The following PCDHGA1 variants were observed in gnomAD, a reference collection of about 807,000 sequenced individuals.
PCDHGA1 encodes the protein protocadherin gamma-A1.
A neutral mutation model predicts 58.0 loss-of-function variants in PCDHGA1; 32 were observed. The ratio of observed to expected loss-of-function variants is 0.55; its 90% CI spans 0.42 to 0.74. PCDHGA1 has a LOEUF of 0.74. PCDHGA1 is among the 30% of genes least tolerant of loss of function. The pLI, the probability that PCDHGA1 is intolerant of heterozygous loss-of-function variation, is 0.00. For missense variants in PCDHGA1, 1,205 were observed against 1,182.3 expected, an observed-to-expected ratio of 1.02 and a Z score of -0.28; for synonymous variants, 498 against 501.1, an observed-to-expected ratio of 0.99 and a Z score of 0.08.
rs773624580 is a variant in PCDHGA1 at position 141,489,715 on chromosome 5, G to A, written c.2422-5092G>A. On this transcript the variant is annotated intron_variant, in intron 1 of 3. Transcript: ENST00000517417. The surrounding 1 kb of genome is among the most constrained non-coding windows in gnomAD (Gnocchi z 4.5). ...ACGATTCCCACTGGACAGTGCCCAG[G>A]ATCCGGATGTGGGCACCAATACTGT... The A allele has an allele frequency of 6.2e-6, 10 of 1,614,004 alleles. No homozygotes were observed. The highest frequency in any genetic ancestry group is 2.2e-5 in the East Asian group (1 of 44,886).
intron 1 of PCDHGA1, chr5:141,392,356 G>A (rs970397239): frequency 6.6e-6 from 1 of 152,614 alleles, no homozygotes; most frequent in Admixed American, 6.5e-5. Flanking sequence ...TTAATCCGAT[G>A]CTACAATCTG....
intron 2 of PCDHGA1, among the ~76,000 whole-genome samples, chr5:141,497,962 G>A (rs2099780751): frequency 6.6e-6 from 1 of 152,236 alleles, no homozygotes; most frequent in African/African-American, 2.4e-5. Context: ...TGGCCAGGCA[G>A]TGTTCTCGAT....
chr5:141,390,276 C>G (rs1475873829), intron 1 of PCDHGA1: 5 of 1,613,990 alleles, frequency 3.1e-6, no homozygotes, highest in Non-Finnish European at 4.2e-6. Context: ...ATTGACTTCC[C>G]ATCAGGTGAG....
At chr5:141,409,520 T>TTG (rs767613304) in intron 1 of PCDHGA1, 2 of 1,613,966 alleles carry the variant, frequency 1.2e-6, no homozygotes, top group East Asian at 4.5e-5. Flanking sequence ...AAGCATCACC[T>TTG]TGTATGTCGC....
Position 141,477,283 on chromosome 5 carries a change from C to T in PCDHGA1, c.2422-17524C>T, listed in dbSNP as rs766672047. The T allele has an allele frequency of 9.3e-6, 15 of 1,614,076 alleles. No homozygotes were observed. The highest frequency in any genetic ancestry group is 2.7e-5 in the African/African-American group (2 of 74,924). On this transcript the variant is annotated intron_variant, in intron 1 of 3. Coordinates refer to ENST00000517417, the MANE Select transcript of PCDHGA1 (RefSeq NM_018912.3). The surrounding 1 kb of genome is among the most constrained non-coding windows in gnomAD (Gnocchi z 4.9). ...CTGGCGAGAACGGGCTGGTGACCTG[C>T]GAAGTTCCACCGGGTCTCCCTTTCA... is the stretch of plus-strand genomic sequence containing the variant.
intron 1 of PCDHGA1, chr5:141,413,182 G>A (rs752788034): frequency 6.2e-7 from 1 of 1,604,164 alleles, no homozygotes; most frequent in Non-Finnish European, 8.5e-7. Context: ...TACAATGGCC[G>A]CTCAAAGGAA....
chr5:141,346,115 G>C (rs928895484), intron 1 of PCDHGA1: 1 of 1,613,808 alleles, frequency 6.2e-7, no homozygotes, highest in African/African-American at 1.3e-5. Context: ...TGTACCTGGT[G>C]GTGGCGGTGG....
At position 141,365,595 on chromosome 5, in the gene PCDHGA1, T is replaced by A. The variant is rs746207657; in HGVS notation, c.2421+32490T>A. The stretch of plus-strand genomic sequence containing the variant: ...GAGACTTCAGATTATAATATCACTT[T>A]AACCGTCATGGACCATGGAACCCCG... On this transcript the variant is annotated intron_variant, in intron 1 of 3. Transcript: ENST00000517417. 1.9e-6 allele frequency: 3 copies of A among 1,613,672 alleles called. No homozygotes were observed. In the South Asian group the frequency reaches 3.3e-5, roughly 18 times the overall value.
chr5:141,332,346 C>T lies in PCDHGA1; in HGVS notation c.1662C>T (p.Asp554=). 6.2e-7 allele frequency: 1 copy of T among 1,614,218 alleles called. No individual in the cohort carries two copies. The highest frequency in any genetic ancestry group is 2.2e-5 in the East Asian group (1 of 44,882). The change falls in exon 1 of 4, where the codon GAC becomes GAT. Residue 554 remains aspartate, a synonymous_variant. Transcript: ENST00000517417. The surrounding 1 kb of genome is among the most constrained non-coding windows in gnomAD (Gnocchi z 4.6). The part of the protein sequence containing the change: ...SNVSLSLFLL[D]QNDNAPEILY... ...TGTCTCTCAGCCTATTCCTGCTGGA[C>T]CAGAACGACAACGCGCCCGAGATCC...
chr5:141,339,666 T>C (rs757911282), intron 1 of PCDHGA1: 4 of 1,613,982 alleles, frequency 2.5e-6, no homozygotes, highest in Non-Finnish European at 3.4e-6. Flanking sequence ...TGCGTGAAGG[T>C]CCTGGATGCG....
chr5:141,344,520 G>A (rs1757429444), intron 1 of PCDHGA1: 2 of 1,613,996 alleles, frequency 1.2e-6, no homozygotes, highest in Non-Finnish European at 1.7e-6. Flanking sequence ...CCCAGATGTA[G>A]GCATTAACTC....
chr5:141,491,549 A>T lies in PCDHGA1; in HGVS notation c.2422-3258A>T, dbSNP rs748281587. 18 of 1,613,860 alleles carry T rather than the reference A, an allele frequency of 1.1e-5. No homozygotes were observed. In the East Asian group the frequency reaches 3.8e-4, roughly 34 times the overall value. On this transcript the variant is annotated intron_variant, in intron 1 of 3. Coordinates refer to ENST00000517417, the MANE Select transcript of PCDHGA1 (RefSeq NM_018912.3). This position sits in a 1 kb window ranked among gnomAD's most constrained non-coding sequence, Gnocchi z 6.9. Reference sequence around the variant, plus strand: ...GTGACGCTGCGGCCCACAGACTCGCAGAGCCACTGCTACAGGACGTGCTTT... The same window carrying T: ...GTGACGCTGCGGCCCACAGACTCGCTGAGCCACTGCTACAGGACGTGCTTT...
At chr5:141,460,453 A>G (rs1487816393) in intron 1 of PCDHGA1, among the ~76,000 whole-genome samples, 1 of 152,152 alleles carries the variant, frequency 6.6e-6, no homozygotes, top group Non-Finnish European at 1.5e-5. Flanking sequence ...ATGAAGATTC[A>G]TATTTTTTTC....
chr5:141,415,740 GTTTTTTTTTTT>G lies in PCDHGA1; in HGVS notation c.2422-79045_2422-79035del, dbSNP rs57426385. On this transcript the variant is annotated intron_variant, in intron 1 of 3. Transcript: ENST00000517417. ...TGAGTAGAATTTGATGTTTATTAAGGTTTTTTTTTTTTTTTTTTTTTTTTTTTTTTTTACTT... is the reference window on the plus strand; with the variant it reads ...TGAGTAGAATTTGATGTTTATTAAGGTTTTTTTTTTTTTTTTTTTTTACTT... 695 of 624,702 alleles carry G rather than the reference GTTTTTTTTTTT, an allele frequency of 1.1e-3. 1 individual carries two copies. Among genetic ancestry groups the G allele is most frequent in the East Asian group, 1.8e-3 (27 of 14,732 alleles). 38.7% of individuals were successfully genotyped at this position (624,702 alleles called of 1,614,324 possible).
chr5:141,367,589 A>G (rs1467826707), intron 1 of PCDHGA1: 1 of 152,062 alleles, frequency 6.6e-6, no homozygotes, highest in African/African-American at 2.4e-5. Flanking sequence ...AAAAGTAGAT[A>G]AAATTTATAT....
chr5:141,365,941 T>C (rs1175439180), intron 1 of PCDHGA1: 15 of 1,614,152 alleles, frequency 9.3e-6, no homozygotes, highest in Non-Finnish European at 1.2e-5. Context: ...CCAGCGACAG[T>C]GGGAACCCTC....
chr5:141,430,090 G>T (rs2097260736), intron 1 of PCDHGA1, among the ~76,000 whole-genome samples: 1 of 152,096 alleles, frequency 6.6e-6, no homozygotes, highest in Non-Finnish European at 1.5e-5. Context: ...ATGAAAATTT[G>T]ATTTTTAAGC....
rs141958687 is a variant in PCDHGA1 at position 141,509,744 on chromosome 5, G to A, written c.2570-1203G>A. 3.3e-3 allele frequency among the ~76,000 whole-genome samples: 509 copies of A among 152,266 alleles called. 3 individuals are homozygous for A. The highest frequency in any genetic ancestry group is 5.5e-3 in the Non-Finnish European group (372 of 68,024). On this transcript the variant is annotated intron_variant, in intron 3 of 3. Coordinates refer to ENST00000517417, the MANE Select transcript of PCDHGA1 (RefSeq NM_018912.3). ...CACCTAGCTGTGGCACTCTGAGCCT[G>A]TGCCTAAAGTGTCCCTGAGATGTCT...
intron 1 of PCDHGA1, among the ~76,000 whole-genome samples, chr5:141,348,135 T>A (rs1237246748): frequency 6.6e-6 from 1 of 152,224 alleles, no homozygotes; most frequent in African/African-American, 2.4e-5. Flanking sequence ...ACTCATGAAA[T>A]CATATGAGAG....
Sources: gnomAD v4.1 joint callset for allele counts (sites outside exome capture counted in the v4.1 genomes callset) on GRCh38, gnomAD v4.1.1 for gene constraint, Gnocchi (gnomAD v3.1) non-coding constraint, MANE v1.5 for transcripts, NCBI Gene and HGNC (gene_info 2026-07-23, HGNC 2026-07-21) for gene names.